Variants in GABRB1 observed in about 807,000 individuals in gnomAD.
The protein encoded by GABRB1 is gamma-aminobutyric acid type A receptor subunit beta1, also known as gamma-aminobutyric acid receptor subunit beta-1.
GABRB1 carries 17 observed loss-of-function variants against 51.6 expected under a neutral mutation model. That is an observed-to-expected ratio of 0.33 (90% CI 0.23 to 0.49). The LOEUF is 0.49. Ranked by LOEUF, GABRB1 falls within the 20% of genes least tolerant of loss-of-function variation. The pLI is 0.99. For missense variants in GABRB1, 410 were observed against 600.6 expected (o/e 0.68, Z 3.32); for synonymous variants, 247 against 218.9 (o/e 1.13, Z -1.14).
At chr4:47,248,743 A>AT (rs998270076) in intron 4 of GABRB1, among the ~76,000 whole-genome samples, 1 of 151,754 alleles carries the variant, frequency 6.6e-6, no homozygotes, top group African/African-American at 2.4e-5. Flanking sequence ...GGATGGTTCT[A>AT]TTTTTCCAGG....
At chr4:47,009,749 A>C (rs757017830) in intron 1 of GABRB1, among the ~76,000 whole-genome samples, 1 of 152,196 alleles carries the variant, frequency 6.6e-6, no homozygotes, top group Non-Finnish European at 1.5e-5. Context: ...GGGCCTGTCC[A>C]CTGGATAAGG....
intron 4 of GABRB1, among the ~76,000 whole-genome samples, chr4:47,238,590 TTCATG>T (rs896485181): frequency 5.3e-5 from 8 of 152,162 alleles, no homozygotes; most frequent in Non-Finnish European, 1.2e-4. Flanking sequence ...AGTTCTGCTC[TTCATG>T]TGAATAGCTC....
At chr4:47,391,183 A>G (rs1727978378) in intron 5 of GABRB1, among the ~76,000 whole-genome samples, 1 of 150,498 alleles carries the variant, frequency 6.6e-6, no homozygotes, top group African/African-American at 2.5e-5. Flanking sequence ...CTCAAAGAAA[A>G]AAACAAAAGA....
chr4:47,392,348 T>C (rs1026810979), intron 5 of GABRB1, among the ~76,000 whole-genome samples: 3 of 150,470 alleles, frequency 2.0e-5, no homozygotes, highest in Non-Finnish European at 3.0e-5. Context: ...CTTTTTTTTT[T>C]TTTTTTTTTG....
At chr4:47,293,583 T>C (rs1004505980) in intron 4 of GABRB1, among the ~76,000 whole-genome samples, 1 of 152,252 alleles carries the variant, frequency 6.6e-6, no homozygotes, top group East Asian at 1.9e-4. Context: ...GATTTAGAAA[T>C]GGAAAAATCA....
intron 3 of GABRB1, among the ~76,000 whole-genome samples, chr4:47,115,917 A>C (rs1715458678): frequency 6.6e-6 from 1 of 152,150 alleles, no homozygotes; most frequent in Non-Finnish European, 1.5e-5. Context: ...ATAGCATTCC[A>C]TTTTTTAAAT....
intron 4 of GABRB1, among the ~76,000 whole-genome samples, chr4:47,272,742 A>G (rs1478242693): frequency 6.6e-6 from 1 of 152,204 alleles, no homozygotes; most frequent in African/African-American, 2.4e-5. Flanking sequence ...CTTTACCCAG[A>G]GAAGCCAAAA....
At chr4:47,007,893 T>A (rs971080513) in intron 1 of GABRB1, among the ~76,000 whole-genome samples, 1 of 25,910 alleles carries the variant, frequency 3.9e-5, no homozygotes, top group Non-Finnish European at 1.1e-4. Flanking sequence ...TATATATATA[T>A]AAAATCAAGT....
At chr4:47,241,187 T>C (rs1047342474) in intron 4 of GABRB1, among the ~76,000 whole-genome samples, 1 of 152,212 alleles carries the variant, frequency 6.6e-6, no homozygotes, top group Non-Finnish European at 1.5e-5. Flanking sequence ...CTGTCTACAA[T>C]GATTTCTTGT....
chr4:47,137,356 G>A (rs748417376), intron 3 of GABRB1, among the ~76,000 whole-genome samples: 48 of 152,078 alleles, frequency 3.2e-4, no homozygotes, highest in Non-Finnish European at 6.0e-4. Flanking sequence ...TGGTGTGTGA[G>A]TTAACCAGAC....
chr4:47,225,076 G>A (rs1720900927), intron 4 of GABRB1, among the ~76,000 whole-genome samples: 2 of 152,042 alleles, frequency 1.3e-5, no homozygotes, highest in South Asian at 4.1e-4. Context: ...GGAATTTTTA[G>A]TAGAGATGGG....
chr4:47,384,276 C>T (rs188552572), intron 5 of GABRB1, among the ~76,000 whole-genome samples: 99 of 151,782 alleles, frequency 6.5e-4, no homozygotes, highest in African/African-American at 2.3e-3. Flanking sequence ...AACAACATAC[C>T]ATAAACATTT....
chr4:47,246,462 A>C (rs575350726), intron 4 of GABRB1, among the ~76,000 whole-genome samples: 1 of 134,396 alleles, frequency 7.4e-6, no homozygotes, highest in African/African-American at 2.7e-5. Context: ...ACTATTTTGC[A>C]ATTGTGAATT....
intron 4 of GABRB1, among the ~76,000 whole-genome samples, chr4:47,168,270 T>C (rs1050520449): frequency 6.6e-6 from 1 of 152,158 alleles, no homozygotes; most frequent in African/African-American, 2.4e-5. Flanking sequence ...ATACTAAAGA[T>C]TCCAACACTG....
intron 4 of GABRB1, among the ~76,000 whole-genome samples, chr4:47,166,854 G>A (rs1718211594): frequency 6.6e-6 from 1 of 151,918 alleles, no homozygotes; most frequent in Non-Finnish European, 1.5e-5. Flanking sequence ...TCTTACTGTT[G>A]CTTCAAAGTC....
At chr4:47,382,661 A>G (rs964626912) in intron 5 of GABRB1, among the ~76,000 whole-genome samples, 1 of 152,188 alleles carries the variant, frequency 6.6e-6, no homozygotes, top group Non-Finnish European at 1.5e-5. Context: ...GAAAAGTATC[A>G]TCACTGCTTT....
chr4:47,350,081 T>C (rs1425935581), intron 5 of GABRB1, among the ~76,000 whole-genome samples: 1 of 151,478 alleles, frequency 6.6e-6, no homozygotes, highest in African/African-American at 2.4e-5. Flanking sequence ...ATATGCTTTA[T>C]TGGTCTCAGA....
Position 47,324,420 on chromosome 4 carries a change from C to T in GABRB1, c.544+4211C>T, listed in dbSNP as rs578043022. Among the ~76,000 whole-genome samples the T allele has an allele frequency of 4.9e-4, 74 of 152,278 alleles. 1 individual carries two copies. Among genetic ancestry groups the T allele is most frequent in the African/African-American group, 1.7e-3 (70 of 41,568 alleles). ...TACCTCTTTTCTCACAGCCTGTAAA[C>T]AAGCTGAAAACTCTTCTCATCTTAA... is the stretch of plus-strand genomic sequence containing the variant. On this transcript the variant is annotated intron_variant, in intron 5 of 8. Transcript: ENST00000295454.
At chr4:47,001,296 C>T (rs563271401) in intron 1 of GABRB1, among the ~76,000 whole-genome samples, 3 of 151,968 alleles carry the variant, frequency 2.0e-5, no homozygotes, top group Non-Finnish European at 2.9e-5. Context: ...GCGCCCCCCA[C>T]CACGCCCAGC....
Sources: allele counts gnomAD v4.1 joint callset (sites outside exome capture counted in the v4.1 genomes callset), GRCh38; gene constraint gnomAD v4.1.1; transcripts MANE v1.5; gene names NCBI Gene and HGNC (gene_info 2026-07-23, HGNC 2026-07-21).